SEC24A: variants seen among roughly 807,000 people sequenced by gnomAD.
SEC24A encodes the protein SEC24 homolog A, COPII component.
A neutral mutation model predicts 129.4 loss-of-function variants in SEC24A; 93 were observed. That is an observed-to-expected ratio of 0.72 (90% confidence interval 0.61 to 0.85). The LOEUF (loss-of-function observed/expected upper bound fraction) is 0.85. SEC24A is among the 40% of genes least tolerant of loss of function. SEC24A has a pLI of 0.00. For synonymous variants in SEC24A, 460 were observed against 467.3 expected (o/e 0.98, Z 0.20); for missense variants, 1,264 against 1,307.4 (o/e 0.97, Z 0.51).
chr5:134,695,926 CAG>C (rs1449030305), intron 13 of SEC24A, among the ~76,000 whole-genome samples: 3 of 133,174 alleles, frequency 2.3e-5, no homozygotes, highest in African/African-American at 8.8e-5. Flanking sequence ...GCCTGGGTGA[CAG>C]AGTGAGACTC....
chr5:134,660,917 C>T (rs1750434664), intron 1 of SEC24A, among the ~76,000 whole-genome samples: 1 of 152,128 alleles, frequency 6.6e-6, no homozygotes, highest in African/African-American at 2.4e-5. Context: ...TCTCTAATGA[C>T]TGATGATGTT....
At chr5:134,708,107 C>T (rs958894745) in intron 17 of SEC24A, among the ~76,000 whole-genome samples, 1 of 152,010 alleles carries the variant, frequency 6.6e-6, no homozygotes, top group Non-Finnish European at 1.5e-5. Context: ...CCAGCCTGGG[C>T]GACAGAGCGA....
At chr5:134,676,245 T>C in intron 7 of SEC24A, 120 bp downstream of exon 7, 1 of 626,336 alleles carries the variant, frequency 1.6e-6, no homozygotes, top group East Asian at 3.2e-5. Context: ...GTTCAAGTGA[T>C]TTTCCTGCCT....
intron 15 of SEC24A, among the ~76,000 whole-genome samples, chr5:134,701,856 G>A (rs1752017500): frequency 6.6e-6 from 1 of 152,086 alleles, no homozygotes; most frequent in African/African-American, 2.4e-5. Context: ...TGGTTAGCTT[G>A]CTTAGGTTTC....
chr5:134,723,200 T>C (rs138444506), intron 21 of SEC24A, among the ~76,000 whole-genome samples: 208 of 152,188 alleles, frequency 1.4e-3, no homozygotes, highest in African/African-American at 4.6e-3. Flanking sequence ...GCACTGTGGC[T>C]CACTCCTGTA....
chr5:134,699,547 C>T (rs1033213432), intron 15 of SEC24A, among the ~76,000 whole-genome samples: 1 of 152,082 alleles, frequency 6.6e-6, no homozygotes, highest in African/African-American at 2.4e-5. Context: ...GATCCGTCCG[C>T]CTCGGCCTCC....
At chr5:134,670,381 T>G (rs1404377049) in intron 3 of SEC24A, among the ~76,000 whole-genome samples, 1 of 152,248 alleles carries the variant, frequency 6.6e-6, no homozygotes, top group East Asian at 1.9e-4. Flanking sequence ...ATTAAATGTA[T>G]CTACTTCGTG....
At position 134,661,407 on chromosome 5, in the gene SEC24A, A is replaced by G; in HGVS notation, c.386A>G (p.Glu129Gly). The G allele has an allele frequency of 1.9e-6, 3 of 1,614,180 alleles. No individual in the cohort carries two copies. The highest frequency in any genetic ancestry group is 2.5e-6 in the Non-Finnish European group (3 of 1,180,028). ...TPMPSSSFLP[E>G]ANLPPPLNWQ... ...ATGCCTTCTAGTAGCTTTCTTCCTG[A>G]AGCCAACCTGCCACCACCTTTGAAT... Residue 129 changes from glutamate (E) to glycine (G), a missense_variant, in exon 2 of 23, where the codon GAA becomes GGA. Glu to Gly is a moderately conservative substitution (Grantham distance 98). Transcript: ENST00000398844.
chr5:134,725,134 G>T lies in SEC24A; in HGVS notation c.*40G>T, dbSNP rs772495539. 1.0e-6 allele frequency: 1 copy of T among 994,374 alleles called. No individual in the cohort carries two copies. The highest frequency in any genetic ancestry group is 1.6e-6 in the Non-Finnish European group (1 of 626,622). The allele number at this position is 994,374 out of a possible 1,614,324, so 61.6% of individuals were successfully genotyped here. On this transcript the variant is annotated 3_prime_UTR_variant, in exon 23 of 23. Transcript: ENST00000398844. Reference sequence around the variant, plus strand: ...TTGACTTATTTTTAAGGAATGTCACGATAGTGCAGAATACCTGGAAATGTG... The same window carrying T: ...TTGACTTATTTTTAAGGAATGTCACTATAGTGCAGAATACCTGGAAATGTG...
intron 1 of SEC24A, among the ~76,000 whole-genome samples, chr5:134,657,591 T>C (rs1035690120): frequency 6.6e-6 from 1 of 152,196 alleles, no homozygotes; most frequent in African/African-American, 2.4e-5. Flanking sequence ...TTTATTTTAC[T>C]TCTGACACAG....
chr5:134,691,731 C>T (rs537458606), intron 11 of SEC24A, among the ~76,000 whole-genome samples: 7 of 151,394 alleles, frequency 4.6e-5, no homozygotes, highest in South Asian at 2.1e-4. Flanking sequence ...GTGATCCGCC[C>T]GCGTCGGCCT....
At position 134,724,998 on chromosome 5, in the gene SEC24A, A is replaced by G. The variant is rs139283834; in HGVS notation, c.3186A>G (p.Lys1062=). The G allele has an allele frequency of 3.9e-5, 63 of 1,606,136 alleles. No individual in the cohort carries two copies. The highest frequency in any genetic ancestry group is 1.7e-4 in the Middle Eastern group (1 of 6,038). The part of the protein sequence containing the change: ...LYVIRDESPM[K]ANFLQNMIED... ...TCCTAAGGGATGAGAGTCCAATGAAAGCAAACTTCCTTCAAAACATGATAG... is the reference window on the plus strand; with the variant it reads ...TCCTAAGGGATGAGAGTCCAATGAAGGCAAACTTCCTTCAAAACATGATAG... Residue 1062 remains lysine, a synonymous_variant, in exon 23 of 23, where the codon AAA becomes AAG. Coordinates refer to ENST00000398844, the MANE Select transcript of SEC24A (RefSeq NM_021982.3).
At chr5:134,656,775 C>A (rs1024193355) in intron 1 of SEC24A, among the ~76,000 whole-genome samples, 3 of 149,188 alleles carry the variant, frequency 2.0e-5, no homozygotes, top group Admixed American at 1.3e-4. Context: ...CCACTGCATC[C>A]GACTTTTTTT....
chr5:134,670,030 G>A (rs746470776), intron 3 of SEC24A, among the ~76,000 whole-genome samples: 2 of 152,090 alleles, frequency 1.3e-5, no homozygotes, highest in South Asian at 2.1e-4. Context: ...AGGTTCAAGC[G>A]ATTCTTGTGC....
chr5:134,723,497 G>A lies in SEC24A; in HGVS notation c.3064-70G>A, dbSNP rs1236231510. On this transcript the variant is annotated intron_variant, in intron 21 of 22. Transcript: ENST00000398844. The stretch of plus-strand genomic sequence containing the variant: ...AATGTAATTAAAAAAATAAAAATTT[G>A]AAAAGTACCATAGACCATACATTAG... 4 of 947,456 alleles carry A rather than the reference G, an allele frequency of 4.2e-6. No individual in the cohort carries two copies. In the East Asian group the frequency reaches 1.0e-4, roughly 24 times the overall value. The allele number at this position is 947,456 out of a possible 1,614,324, so 58.7% of individuals were successfully genotyped here. A position where few individuals can be genotyped will look rare whatever the true frequency, so the allele number is the denominator to read the frequency against.
Position 134,715,148 on chromosome 5 carries a change from A to G in SEC24A, c.2852A>G (p.Asn951Ser), listed in dbSNP as rs559779295. ...CATCCCAGTTTGTATAGAGTTGACAATCTCTCAGATGAGGTAAGATGGATT... is the reference window on the plus strand; with the variant it reads ...CATCCCAGTTTGTATAGAGTTGACAGTCTCTCAGATGAGGTAAGATGGATT... The part of the protein sequence containing the change: ...TTHPSLYRVD[N>S]LSDEGALNIS... Residue 951 changes from asparagine (N) to serine (S), a missense_variant, in exon 19 of 23, where the codon AAT becomes AGT. Physicochemically the swap from Asn to Ser is conservative, Grantham distance 46 (BLOSUM62 1). Transcript: ENST00000398844. The G allele has an allele frequency of 8.7e-6, 14 of 1,609,938 alleles. No homozygotes were observed. The highest frequency in any genetic ancestry group is 6.7e-5 in the East Asian group (3 of 44,776).
At chr5:134,668,802 A>G (rs1750755620) in intron 3 of SEC24A, among the ~76,000 whole-genome samples, 1 of 152,094 alleles carries the variant, frequency 6.6e-6, no homozygotes, top group South Asian at 2.1e-4. Context: ...AGGCTGAGAC[A>G]GGAGAATTGC....
intron 1 of SEC24A, among the ~76,000 whole-genome samples, chr5:134,654,586 C>A (rs1339543056): frequency 6.6e-6 from 1 of 152,042 alleles, no homozygotes; most frequent in Non-Finnish European, 1.5e-5. Context: ...GACTACAAGA[C>A]CTTAAACTAA....
At chr5:134,703,659 AT>A in intron 15 of SEC24A, 99 bp from the exon 16 acceptor site, 2 of 763,684 alleles carry the variant, frequency 2.6e-6, no homozygotes, top group East Asian at 2.7e-5. Flanking sequence ...TATTATCTAG[AT>A]TTCTTTACTT....
Sources: gnomAD v4.1 joint callset for allele counts (sites outside exome capture counted in the v4.1 genomes callset) on GRCh38, gnomAD v4.1.1 for gene constraint, MANE v1.5 for transcripts, NCBI Gene and HGNC (gene_info 2026-07-23, HGNC 2026-07-21) for gene names.